Variants in PLOD1 observed in about 807,000 individuals in gnomAD.
PLOD1 encodes procollagen-lysine,2-oxoglutarate 5-dioxygenase 1.
In PLOD1, 70 loss-of-function variants were observed where a neutral mutation model predicts 94.7. The ratio of observed to expected loss-of-function variants is 0.74; its 90% CI spans 0.61 to 0.90. The LOEUF is 0.90. Among genes scored for constraint, PLOD1 ranks in the 40% least tolerant of loss-of-function variants. The probability of loss-of-function intolerance (pLI) is 0.00; values close to 1 mark genes in which losing one functional copy is unlikely to be tolerated. For missense variants in PLOD1, 905 were observed against 972.7 expected, an observed-to-expected ratio of 0.93 and a Z score of 0.93; for synonymous variants, 417 against 400.2, an observed-to-expected ratio of 1.04 and a Z score of -0.50.
chr1:11,940,363 T>A (rs1388885436), intron 1 of PLOD1, among the ~76,000 whole-genome samples: 1 of 152,116 alleles, frequency 6.6e-6, no homozygotes, highest in Non-Finnish European at 1.5e-5. Flanking sequence ...CCTTTATTCC[T>A]GACCCCCAGG....
Position 11,949,874 on chromosome 1 carries a change from C to G in PLOD1, c.270C>G (p.Asp90Glu). ...AGAAAGCTCTGGAGAAGCACGCAGA[C>G]AAGGAGGATCTGGTCATTCTCTTCG... ...LLKKALEKHA[D>E]KEDLVILFAD... is the part of the protein sequence containing the mutation. The change falls in exon 3 of 19, where the codon GAC becomes GAG. Residue 90 changes from aspartate (D) to glutamate (E), a missense_variant. Coordinates refer to ENST00000196061, the MANE Select transcript of PLOD1 (RefSeq NM_000302.4). 1 of 1,614,150 alleles carries G rather than the reference C, an allele frequency of 6.2e-7. No individual in the cohort carries two copies. The highest frequency in any genetic ancestry group is 1.7e-5 in the Admixed American group (1 of 60,020).
In PLOD1 at chr1:11,958,367, C is replaced by T. The variant is rs573039703; in HGVS notation, c.844-149C>T. ...GCTGCTTCCCTGCCCCCCCGTACCC[C>T]CTGACTGGAGTTCCCCGGCCCGGGC... On this transcript the variant is annotated intron_variant, in intron 8 of 18. Coordinates refer to ENST00000196061, the MANE Select transcript of PLOD1 (RefSeq NM_000302.4). The surrounding 1 kb of genome is among the most constrained non-coding windows in gnomAD (Gnocchi z 4.3). The T allele has an allele frequency of 1.1e-6, 1 of 870,982 alleles. No homozygotes were observed. Among genetic ancestry groups the T allele is most frequent in the Non-Finnish European group, 1.8e-6 (1 of 542,106 alleles). 54.0% of individuals were successfully genotyped at this position (870,982 alleles called of 1,614,324 possible). A position where few individuals can be genotyped will look rare whatever the true frequency, so the allele number is the denominator to read the frequency against.
At chr1:11,961,603 T>C (rs1645778185) in intron 10 of PLOD1, among the ~76,000 whole-genome samples, 1 of 152,106 alleles carries the variant, frequency 6.6e-6, no homozygotes, top group Admixed American at 6.6e-5. Flanking sequence ...TTGACTTTCA[T>C]GTCATTTATT....
At position 11,957,296 on chromosome 1, in the gene PLOD1, C is replaced by G. The variant is rs2100750898; in HGVS notation, c.741+282C>G. ...CTACCAGAGCCATCTGCACTGTCAC[C>G]CCAGGGCAGAGTCACTTATTCACTC... On this transcript the variant is annotated intron_variant, in intron 7 of 18. Coordinates refer to ENST00000196061, the MANE Select transcript of PLOD1 (RefSeq NM_000302.4). This position sits in a 1 kb window ranked among gnomAD's most constrained non-coding sequence, Gnocchi z 4.1. 1 of 649,558 alleles carries G rather than the reference C, an allele frequency of 1.5e-6. No homozygotes were observed. Among genetic ancestry groups the G allele is most frequent in the African/African-American group, 1.8e-5 (1 of 56,418 alleles). 40.2% of individuals were successfully genotyped at this position (649,558 alleles called of 1,614,324 possible).
intron 18 of PLOD1, 123 bp downstream of exon 18, chr1:11,973,120 A>G: frequency 9.6e-7 from 1 of 1,039,922 alleles, no homozygotes; most frequent in East Asian, 2.6e-5. Flanking sequence ...GAACCAGAAA[A>G]AAAAGGATGT....
At chr1:11,969,480 C>T (rs548140237) in intron 16 of PLOD1, among the ~76,000 whole-genome samples, 29 of 152,324 alleles carry the variant, frequency 1.9e-4, no homozygotes, top group African/African-American at 6.5e-4. Flanking sequence ...ACTGGACTAG[C>T]CCGTGCATTC....
chr1:11,939,808 A>C (rs2100734176), intron 1 of PLOD1, among the ~76,000 whole-genome samples: 1 of 152,216 alleles, frequency 6.6e-6, no homozygotes, highest in South Asian at 2.1e-4. Flanking sequence ...GGGTTTCGCC[A>C]TGTTGGCCAG....
intron 1 of PLOD1, among the ~76,000 whole-genome samples, chr1:11,947,147 T>C (rs1324926826): frequency 6.6e-6 from 1 of 151,654 alleles, no homozygotes; most frequent in African/African-American, 2.4e-5. Context: ...CGAGTGCCTG[T>C]AGTCCCAGCT....
intron 4 of PLOD1, 136 bp from the exon 5 acceptor site, chr1:11,952,487 G>T: frequency 1.4e-6 from 1 of 712,266 alleles, no homozygotes. Context: ...TGTCAATTCA[G>T]GAGGACTTCT....
chr1:11,949,443 G>T (rs1188747318), intron 2 of PLOD1, among the ~76,000 whole-genome samples: 3 of 151,904 alleles, frequency 2.0e-5, no homozygotes, highest in Non-Finnish European at 4.4e-5. Flanking sequence ...TTTTTGAGAC[G>T]GAGTGTTGCT....
At chr1:11,949,661 C>T (rs1398586469) in intron 2 of PLOD1, 112 bp from the exon 3 acceptor site, 9 of 1,057,784 alleles carry the variant, frequency 8.5e-6, no homozygotes, top group Non-Finnish European at 8.6e-6. Context: ...CTCAGGTGGT[C>T]CACACGTCTC....
chr1:11,965,446 G>A (rs768359297), intron 13 of PLOD1, 34 bp from the exon 14 acceptor site: 2 of 1,262,770 alleles, frequency 1.6e-6, no homozygotes, highest in South Asian at 2.4e-5. Context: ...GAGGGGTGGG[G>A]GAGCGCCTCT....
intron 4 of PLOD1, 76 bp downstream of exon 4, chr1:11,950,596 T>G: frequency 7.4e-7 from 1 of 1,359,564 alleles, no homozygotes. Context: ...CCCCCTTGTT[T>G]GACGTGCAAT....
At position 11,975,104 on chromosome 1, in the gene PLOD1, G is replaced by A; in HGVS notation, c.*296G>A. The A allele has an allele frequency of 2.1e-6, 1 of 472,500 alleles. No individual in the cohort carries two copies. The highest frequency in any genetic ancestry group is 3.9e-6 in the Non-Finnish European group (1 of 257,902). 29.3% of individuals were successfully genotyped at this position (472,500 alleles called of 1,614,324 possible). A position where few individuals can be genotyped will look rare whatever the true frequency, so the allele number is the denominator to read the frequency against. ...CAACCTGTCTTCCTGAAAAACCAAG[G>A]CCCCCTTCCCCCACCTCTTCCATGG... On this transcript the variant is annotated 3_prime_UTR_variant, in exon 19 of 19. Coordinates refer to ENST00000196061, the MANE Select transcript of PLOD1 (RefSeq NM_000302.4).
chr1:11,973,137 GTGGGAGGGCTTCC>G (rs1287864542), intron 18 of PLOD1, 140 bp downstream of exon 18: 1 of 843,328 alleles, frequency 1.2e-6, no homozygotes, highest in Admixed American at 2.1e-5. Context: ...ATGTGGGTCT[GTGGGAGGGCTTCC>G]TGGAAGGGTT....
intron 14 of PLOD1, 31 bp downstream of exon 14, chr1:11,965,624 G>A (rs760944644): frequency 3.9e-6 from 5 of 1,298,158 alleles, no homozygotes; most frequent in Admixed American, 3.4e-5. Context: ...TAGGGGCTGG[G>A]AGCAAAGGGG....
intron 1 of PLOD1, chr1:11,944,419 G>GCGTACACACACACACA: frequency 2.8e-6 from 1 of 352,140 alleles, no homozygotes; most frequent in Non-Finnish European, 4.3e-6. Context: ...GCGCATGCAC[G>GCGTACACACACACACA]CGTACACACA....
rs150210343 is a variant in PLOD1 at position 11,952,000 on chromosome 1, G to A, written c.467-623G>A. ...ACTGCACGGAGAATAAAATCCACAG[G>A]CCTCTTTTCAACCTTAGATGGGGAT... On this transcript the variant is annotated intron_variant, in intron 4 of 18. Coordinates refer to ENST00000196061, the MANE Select transcript of PLOD1 (RefSeq NM_000302.4). Among the ~76,000 whole-genome samples the A allele has an allele frequency of 1.9e-3, 285 of 152,328 alleles. 2 individuals carry two copies. Among genetic ancestry groups the A allele is most frequent in the African/African-American group, 5.9e-3 (246 of 41,564 alleles).
rs375364215 is a variant in PLOD1 at position 11,952,723 on chromosome 1, C to T, written c.567C>T (p.Asp189=). The T allele has an allele frequency of 1.2e-6, 2 of 1,610,090 alleles. No individual in the cohort carries two copies. The highest frequency in any genetic ancestry group is 1.7e-6 in the Non-Finnish European group (2 of 1,176,354). ...TGTTTTACACCAAGATCTTCTTGGA[C>T]CCGGAGAAGAGGGTAAGAGGCAGTG... ...DQLFYTKIFL[D]PEKREQINIT... is the part of the protein sequence containing the mutation. Residue 189 remains aspartate (D), a synonymous_variant, in exon 5 of 19, where the codon GAC becomes GAT. Coordinates refer to ENST00000196061, the MANE Select transcript of PLOD1 (RefSeq NM_000302.4).
Sources: allele counts gnomAD v4.1 joint callset (sites outside exome capture counted in the v4.1 genomes callset), GRCh38; gene constraint gnomAD v4.1.1; non-coding constraint Gnocchi (gnomAD v3.1); transcripts MANE v1.5; gene names NCBI Gene and HGNC (gene_info 2026-07-23, HGNC 2026-07-21).